THSD7B: variants seen among roughly 807,000 people sequenced by gnomAD.
THSD7B encodes the protein thrombospondin type-1 domain-containing protein 7B.
A neutral mutation model predicts 213.6 loss-of-function variants in THSD7B; 138 were observed. That is an observed-to-expected ratio of 0.65 (90% CI 0.56 to 0.74). The LOEUF is 0.74. Among genes scored for constraint, THSD7B ranks in the 30% least tolerant of loss-of-function variants. THSD7B has a pLI of 0.00. For missense variants in THSD7B, 1,931 were observed against 1,991.5 expected, an observed-to-expected ratio of 0.97 and a Z score of 0.58; for synonymous variants, 742 against 687.0, an observed-to-expected ratio of 1.08 and a Z score of -1.25.
intron 13 of THSD7B, among the ~76,000 whole-genome samples, chr2:137,410,489 G>A (rs754274460): frequency 2.0e-5 from 3 of 151,954 alleles, no homozygotes; most frequent in African/African-American, 7.2e-5. Flanking sequence ...GTCTGGTCTC[G>A]AACTCCTGAT....
chr2:137,461,975 A>T (rs1687894280), intron 15 of THSD7B, among the ~76,000 whole-genome samples: 1 of 152,134 alleles, frequency 6.6e-6, no homozygotes, highest in African/African-American at 2.4e-5. Context: ...CTTACTTTGC[A>T]AGTCACCAGA....
At chr2:137,409,978 G>T (rs1208152948) in intron 13 of THSD7B, among the ~76,000 whole-genome samples, 10 of 152,124 alleles carry the variant, frequency 6.6e-5, no homozygotes, top group African/African-American at 2.2e-4. Flanking sequence ...AGAATCCAGG[G>T]TTAAGTGGGT....
intron 2 of THSD7B, among the ~76,000 whole-genome samples, chr2:136,903,677 C>A (rs2105014878): frequency 6.6e-6 from 1 of 152,256 alleles, no homozygotes; most frequent in East Asian, 1.9e-4. Flanking sequence ...CTAAGTTGCA[C>A]AGATGGAAGG....
chr2:137,347,560 T>G (rs1374947544), intron 12 of THSD7B, among the ~76,000 whole-genome samples: 1 of 150,664 alleles, frequency 6.6e-6, no homozygotes, highest in Non-Finnish European at 1.5e-5. Context: ...TATTGATTTT[T>G]TTTTTTTTTT....
At chr2:137,090,540 G>T (rs1034866279) in intron 3 of THSD7B, among the ~76,000 whole-genome samples, 5 of 152,120 alleles carry the variant, frequency 3.3e-5, no homozygotes, top group African/African-American at 1.2e-4. Context: ...GGGGAAGTAA[G>T]AATTACTAGC....
chr2:136,975,654 G>T (rs963041130), intron 2 of THSD7B, among the ~76,000 whole-genome samples: 2 of 152,250 alleles, frequency 1.3e-5, no homozygotes, highest in South Asian at 4.1e-4. Flanking sequence ...TCTTAAGGTT[G>T]TCTTGGATGT....
Position 137,258,954 on chromosome 2 carries a change from C to T in THSD7B, c.2267-13579C>T, listed in dbSNP as rs908933156. ...TGCGGTGTTTGGTCTTCTGTTCCTG[C>T]GTTAGTTTGCTAAGAGTGATGACTT... On this transcript the variant is annotated intron_variant, in intron 10 of 27. Transcript: ENST00000409968. Among the ~76,000 whole-genome samples, 5 of 151,972 alleles carry T rather than the reference C, an allele frequency of 3.3e-5. No individual in the cohort carries two copies. In the South Asian group the frequency reaches 6.2e-4, roughly 19 times the overall value.
chr2:137,258,367 G>A (rs1473786572), intron 10 of THSD7B, among the ~76,000 whole-genome samples: 1 of 151,996 alleles, frequency 6.6e-6, no homozygotes, highest in Admixed American at 6.6e-5. Flanking sequence ...ATGTGGGGAA[G>A]TGGTCCTCTT....
intron 12 of THSD7B, among the ~76,000 whole-genome samples, chr2:137,282,408 A>G (rs958248684): frequency 6.6e-5 from 10 of 152,156 alleles, no homozygotes; most frequent in Non-Finnish European, 1.3e-4. Context: ...CATTAATTTA[A>G]TTAGATCCCA....
intron 20 of THSD7B, among the ~76,000 whole-genome samples, chr2:137,632,064 T>C (rs563517274): frequency 2.0e-5 from 3 of 152,164 alleles, no homozygotes; most frequent in Admixed American, 1.3e-4. Flanking sequence ...AGTTTGTCAG[T>C]TGTGGAGGAT....
chr2:137,386,214 T>C (rs936558476), intron 12 of THSD7B, among the ~76,000 whole-genome samples: 1 of 152,246 alleles, frequency 6.6e-6, no homozygotes, highest in Non-Finnish European at 1.5e-5. Context: ...AAGGCTCCAC[T>C]GACTGGCTGA....
At chr2:137,395,734 A>T (rs1297554346) in intron 12 of THSD7B, among the ~76,000 whole-genome samples, 1 of 152,010 alleles carries the variant, frequency 6.6e-6, no homozygotes, top group Non-Finnish European at 1.5e-5. Flanking sequence ...TTTCAGAAGG[A>T]ATGGTACCAG....
At position 136,970,954 on chromosome 2, in the gene THSD7B, C is replaced by G. The variant is rs4954454; in HGVS notation, c.140-85466C>G. 6.6e-5 allele frequency among the ~76,000 whole-genome samples: 10 copies of G among 152,000 alleles called. No homozygotes were observed. In the East Asian group the frequency reaches 1.9e-3, roughly 29 times the overall value. On this transcript the variant is annotated intron_variant, in intron 2 of 27. Coordinates refer to ENST00000409968, the MANE Select transcript of THSD7B (RefSeq NM_001316349.2). ...AATTAATCTTAAACATACAATAAAG[C>G]CACAATTACATGTCCATATTTCAAG... is the stretch of plus-strand genomic sequence containing the variant.
intron 15 of THSD7B, among the ~76,000 whole-genome samples, chr2:137,488,432 T>G (rs1688525536): frequency 6.6e-6 from 1 of 152,126 alleles, no homozygotes; most frequent in African/African-American, 2.4e-5. Flanking sequence ...AAAAGGCACT[T>G]TGAGTTTCAA....
At chr2:137,662,683 C>A (rs528881754) in intron 25 of THSD7B, among the ~76,000 whole-genome samples, 4 of 152,178 alleles carry the variant, frequency 2.6e-5, no homozygotes, top group African/African-American at 9.6e-5. Context: ...TGGGTTGGAG[C>A]AACTAGGCAA....
chr2:137,609,336 A>T (rs1240794563), intron 17 of THSD7B, among the ~76,000 whole-genome samples: 1 of 152,222 alleles, frequency 6.6e-6, no homozygotes, highest in Non-Finnish European at 1.5e-5. Context: ...AAGGAGTAAC[A>T]TGGAAGAGTT....
chr2:137,056,732 G>T lies in THSD7B; in HGVS notation c.452G>T (p.Arg151Leu), dbSNP rs1250652530. 2 of 1,613,850 alleles carry T rather than the reference G, an allele frequency of 1.2e-6. No individual in the cohort carries two copies. The highest frequency in any genetic ancestry group is 1.7e-6 in the Non-Finnish European group (2 of 1,179,902). The change falls in exon 3 of 28, where the codon CGA becomes CTA. Residue 151 changes from arginine (R) to leucine (L), a missense_variant. Coordinates refer to ENST00000409968, the MANE Select transcript of THSD7B (RefSeq NM_001316349.2). ...RMVRCIQKLN[R>L]TVVANEICEH... ...GTGCGCTGCATTCAGAAGCTGAACCGAACTGTGGTTGCAAATGAAATATGC... is the reference window on the plus strand; with the variant it reads ...GTGCGCTGCATTCAGAAGCTGAACCTAACTGTGGTTGCAAATGAAATATGC...
chr2:137,353,027 T>C (rs920846511), intron 12 of THSD7B, among the ~76,000 whole-genome samples: 3 of 151,898 alleles, frequency 2.0e-5, no homozygotes, highest in Admixed American at 6.6e-5. Flanking sequence ...ATAGTAGAAA[T>C]GTAGAGTTAG....
chr2:137,335,367 T>C (rs1164007650), intron 12 of THSD7B, among the ~76,000 whole-genome samples: 1 of 152,186 alleles, frequency 6.6e-6, no homozygotes, highest in Non-Finnish European at 1.5e-5. Context: ...AGGGGCTCTA[T>C]AAACTGATTT....
Sources: gnomAD v4.1 joint callset for allele counts (sites outside exome capture counted in the v4.1 genomes callset) on GRCh38, gnomAD v4.1.1 for gene constraint, MANE v1.5 for transcripts, NCBI Gene and HGNC (gene_info 2026-07-23, HGNC 2026-07-21) for gene names.